Variants in ZNF106 observed in about 807,000 individuals in gnomAD.
ZNF106 encodes the protein SH3-domain binding protein 3.
ZNF106 carries 67 observed loss-of-function variants against 195.1 expected under a neutral mutation model. That is an observed-to-expected ratio of 0.34 (90% CI 0.28 to 0.42). The LOEUF is 0.42. Ranked by LOEUF, ZNF106 falls within the 10% of genes least tolerant of loss-of-function variation. The pLI is 1.00. For synonymous variants in ZNF106, 784 were observed against 818.6 expected (o/e 0.96, Z 0.72); for missense variants, 2,118 against 2,304.5 (o/e 0.92, Z 1.66).
intron 18 of ZNF106, 108 bp from the exon 19 acceptor site, chr15:42,422,096 G>A: frequency 2.5e-6 from 2 of 809,710 alleles, no homozygotes; most frequent in Middle Eastern, 2.4e-4. Context: ...GAGGCGCCAA[G>A]TGGAAGCACC....
Position 42,444,220 on chromosome 15 carries a change from T to A in ZNF106, c.3403A>T (p.Ile1135Phe). 6.2e-7 allele frequency: 1 copy of A among 1,606,914 alleles called. No individual in the cohort carries two copies. The highest frequency in any genetic ancestry group is 1.1e-5 in the South Asian group (1 of 90,850). ...MSALRTHRIQ[I>F]LQGLQETYEP... ...TGAATACCTTGTAATCCCTGTAGAA[T>A]CTGTATTCTATGGGTCCTCAGTGCA... is the stretch of plus-strand genomic sequence containing the variant. Residue 1135 changes from isoleucine to phenylalanine, a missense_variant, in exon 9 of 22, where the codon ATT (isoleucine) becomes TTT (phenylalanine). Ile to Phe is a conservative substitution (Grantham distance 21, BLOSUM62 0). Coordinates refer to ENST00000564754, the MANE Select transcript of ZNF106 (RefSeq NM_001366845.3).
At chr15:42,481,394 G>C (rs563404919) in intron 1 of ZNF106, among the ~76,000 whole-genome samples, 1 of 117,842 alleles carries the variant, frequency 8.5e-6, no homozygotes, top group Admixed American at 1.2e-4. Flanking sequence ...GTCTTGCTCT[G>C]TCACCCAGGC....
Position 42,433,326 on chromosome 15 carries a change from C to T in ZNF106, c.4881+2058G>A, listed in dbSNP as rs535973607. On this transcript the variant is annotated intron_variant, in intron 14 of 21. Transcript: ENST00000564754. ...TTCACCGTGTTAGCCAGGGTGGTCC[C>T]GATCTCCTGACCTCGTGATCCGCCC... is the stretch of plus-strand genomic sequence containing the variant. Among the ~76,000 whole-genome samples, 6 of 152,072 alleles carry T rather than the reference C, an allele frequency of 3.9e-5. No homozygotes were observed. In the South Asian group the frequency reaches 6.2e-4, roughly 16 times the overall value.
intron 19 of ZNF106, 66 bp downstream of exon 19, chr15:42,421,851 A>C: frequency 7.4e-7 from 1 of 1,356,694 alleles, no homozygotes; most frequent in Non-Finnish European, 1.0e-6. Flanking sequence ...TCACTTTTGG[A>C]AGTGACAAGA....
chr15:42,471,299 A>G (rs976904490), intron 2 of ZNF106, among the ~76,000 whole-genome samples: 1 of 152,210 alleles, frequency 6.6e-6, no homozygotes, highest in Non-Finnish European at 1.5e-5. Context: ...CTGCATTTCC[A>G]GTAACAATCA....
intron 3 of ZNF106, among the ~76,000 whole-genome samples, chr15:42,458,803 A>T (rs908757726): frequency 6.0e-5 from 9 of 151,008 alleles, no homozygotes; most frequent in South Asian, 2.1e-4. Context: ...TTTTTTTTTT[A>T]AATGAATATT....
intron 3 of ZNF106, among the ~76,000 whole-genome samples, chr15:42,462,415 T>A (rs1383180586): frequency 6.6e-6 from 1 of 152,082 alleles, no homozygotes; most frequent in Non-Finnish European, 1.5e-5. Flanking sequence ...CTGGTCAACA[T>A]GGCGAAACCC....
intron 2 of ZNF106, among the ~76,000 whole-genome samples, chr15:42,466,750 T>C (rs540600612): frequency 6.6e-6 from 1 of 152,354 alleles, no homozygotes; most frequent in African/African-American, 2.4e-5. Context: ...GTGGATTTGT[T>C]TGGTTCCAAT....
intron 10 of ZNF106, among the ~76,000 whole-genome samples, chr15:42,440,925 G>A (rs1253085936): frequency 7.1e-6 from 1 of 141,556 alleles, no homozygotes; most frequent in South Asian, 2.3e-4. Context: ...AGAGGTTGCC[G>A]TGAGCCAAGA....
In ZNF106 at chr15:42,424,917, A is replaced by C. The variant is rs758981469; in HGVS notation, c.5107T>G (p.Cys1703Gly). The stretch of plus-strand genomic sequence containing the variant: ...CGGGCATCGCGTACACTAATTGTGC[A>C]GTCATAAGACCCCACGACCAGCAGT... Reference protein sequence around the residue: ...RKLLVVGSYDCTISVRDARNG... With the variant: ...RKLLVVGSYDGTISVRDARNG... Residue 1703 changes from cysteine (C) to glycine (G), a missense_variant, in exon 16 of 22, where the codon TGC becomes GGC. Physicochemically the swap from Cys to Gly is radical, Grantham distance 159. Coordinates refer to ENST00000564754, the MANE Select transcript of ZNF106 (RefSeq NM_001366845.3). 6.2e-7 allele frequency: 1 copy of C among 1,614,218 alleles called. No homozygotes were observed. The highest frequency in any genetic ancestry group is 1.1e-5 in the South Asian group (1 of 91,084).
In ZNF106 at chr15:42,456,971, T is replaced by C; in HGVS notation, c.304A>G (p.Lys102Glu). 1 of 1,612,776 alleles carries C rather than the reference T, an allele frequency of 6.2e-7. No individual in the cohort carries two copies. The highest frequency in any genetic ancestry group is 8.5e-7 in the Non-Finnish European group (1 of 1,179,348). The change falls in exon 4 of 22, where the codon AAA becomes GAA. Residue 102 changes from lysine to glutamate, a missense_variant. Coordinates refer to ENST00000564754, the MANE Select transcript of ZNF106 (RefSeq NM_001366845.3). The stretch of plus-strand genomic sequence containing the variant: ...TCAATTACTTACCGACTTTGTTCTT[T>C]CCTTTGTTTTATTAACTGAATGAGT... ...KELIQLIKQR[K>E]EQSRQDEPSN...
intron 1 of ZNF106, among the ~76,000 whole-genome samples, chr15:42,473,117 G>A (rs1463357848): frequency 6.6e-6 from 1 of 152,094 alleles, no homozygotes; most frequent in Non-Finnish European, 1.5e-5. Flanking sequence ...AAACTTTTTG[G>A]GTGTCAACAT....
At chr15:42,445,480 T>A (rs2055739614) in intron 7 of ZNF106, among the ~76,000 whole-genome samples, 1 of 152,234 alleles carries the variant, frequency 6.6e-6, no homozygotes, top group African/African-American at 2.4e-5. Context: ...ACATTTAACT[T>A]AGTTTGAATA....
intron 12 of ZNF106, among the ~76,000 whole-genome samples, 168 bp downstream of exon 12, chr15:42,438,444 G>C (rs1214450981): frequency 6.6e-6 from 1 of 152,174 alleles, no homozygotes; most frequent in Non-Finnish European, 1.5e-5. Flanking sequence ...ACCAGGATTT[G>C]AGGTTTTAAG....
chr15:42,469,793 G>C (rs1189555417), intron 2 of ZNF106, among the ~76,000 whole-genome samples: 2 of 150,416 alleles, frequency 1.3e-5, no homozygotes, highest in Non-Finnish European at 2.9e-5. Flanking sequence ...AGCTGAGATG[G>C]CTCCACTGCA....
chr15:42,432,384 T>TA (rs1236527288), intron 14 of ZNF106, among the ~76,000 whole-genome samples: 1 of 151,490 alleles, frequency 6.6e-6, no homozygotes, highest in African/African-American at 2.4e-5. Context: ...GTCTGGAACT[T>TA]ACAGTCTCAA....
At position 42,451,896 on chromosome 15, in the gene ZNF106, A is replaced by G. The variant is rs12440118; in HGVS notation, c.376T>C (p.Trp126Arg). 0.13 allele frequency: 213,686 copies of G among 1,613,868 alleles called. 15,510 individuals are homozygous for G. Among genetic ancestry groups the G allele is most frequent in the Non-Finnish European group, 0.15 (179,519 of 1,179,940 alleles). Residue 126 changes from tryptophan to arginine, a missense_variant, in exon 5 of 22, where the codon TGG becomes CGG. Trp to Arg is a moderately radical substitution (Grantham distance 101). Transcript: ENST00000564754. ...EINSDDRRPQWRREDRIPYQD... is the reference protein window; with the variant it reads ...EINSDDRRPQRRREDRIPYQD... Reference sequence around the variant, plus strand: ...TAAGGAATTCGGTCTTCTCGTCTCCATTGGGGTCGTCTGTCATCAGAGTTT... The same window carrying G: ...TAAGGAATTCGGTCTTCTCGTCTCCGTTGGGGTCGTCTGTCATCAGAGTTT...
intron 2 of ZNF106, among the ~76,000 whole-genome samples, chr15:42,467,918 T>G (rs2056559266): frequency 6.6e-6 from 1 of 152,178 alleles, no homozygotes; most frequent in Non-Finnish European, 1.5e-5. Context: ...CCAAAGCTAA[T>G]GCTTCAAACA....
chr15:42,444,303 T>C (rs953589301), intron 8 of ZNF106, 41 bp from the exon 9 acceptor site: 3 of 1,499,778 alleles, frequency 2.0e-6, no homozygotes, highest in Admixed American at 3.4e-5. Context: ...GAAATCCAAC[T>C]TGTAAGGTCC....
Sources: gnomAD v4.1 joint callset for allele counts (sites outside exome capture counted in the v4.1 genomes callset) on GRCh38, gnomAD v4.1.1 for gene constraint, MANE v1.5 for transcripts, NCBI Gene and HGNC (gene_info 2026-07-23, HGNC 2026-07-21) for gene names.